Variants in DAAM2 observed in about 807,000 individuals in gnomAD.
DAAM2 encodes disheveled-associated activator of morphogenesis 2.
Under a neutral mutation model 120.7 loss-of-function variants are expected in DAAM2, and 39 were observed. That is an observed-to-expected ratio of 0.32 (90% CI 0.25 to 0.42). The LOEUF is 0.42. Among genes scored for constraint, DAAM2 ranks in the 10% least tolerant of loss-of-function variants. DAAM2 has a pLI of 1.00. For missense variants in DAAM2, 1,283 were observed against 1,401.7 expected (o/e 0.92, Z 1.35); for synonymous variants, 488 against 524.9 (o/e 0.93, Z 0.96).
chr6:39,836,748 C>T (rs1450278252), intron 1 of DAAM2, among the ~76,000 whole-genome samples: 2 of 152,170 alleles, frequency 1.3e-5, no homozygotes, highest in Non-Finnish European at 2.9e-5. Context: ...TGCAAATCTC[C>T]ACGTCCACCC....
chr6:39,869,327 G>T (rs1285748542), intron 7 of DAAM2, among the ~76,000 whole-genome samples: 1 of 152,162 alleles, frequency 6.6e-6, no homozygotes, highest in African/African-American at 2.4e-5. Flanking sequence ...GCTCATGCCT[G>T]TAATCCCAGC....
chr6:39,816,612 T>C (rs147956479), intron 1 of DAAM2, among the ~76,000 whole-genome samples: 129 of 152,328 alleles, frequency 8.5e-4, no homozygotes, highest in African/African-American at 2.7e-3. Flanking sequence ...CCTGTAATAG[T>C]TCAAGTCCAT....
chr6:39,873,276 G>A lies in DAAM2; in HGVS notation c.1083G>A (p.Glu361=), dbSNP rs1475700535. ...CCAAGAGTGCTTCCCAGATGTTTGA[G>A]TTGATCCACAAGAAGCTGAAGTACA... ...IDTKSASQMF[E]LIHKKLKYTE... The change falls in exon 10 of 25, where the codon GAG becomes GAA. Residue 361 remains glutamate, a synonymous_variant. Transcript: ENST00000274867. 8 of 1,613,346 alleles carry A rather than the reference G, an allele frequency of 5.0e-6. No homozygotes were observed. Among genetic ancestry groups the A allele is most frequent in the Non-Finnish European group, 6.8e-6 (8 of 1,179,774 alleles).
Position 39,830,933 on chromosome 6 carries a change from C to T in DAAM2, c.-56-25314C>T, listed in dbSNP as rs546538240. 2.6e-4 allele frequency among the ~76,000 whole-genome samples: 40 copies of T among 152,284 alleles called. No individual in the cohort carries two copies. In the South Asian group the frequency reaches 6.6e-3, roughly 25 times the overall value. Reference sequence around the variant, plus strand: ...CAGGCAGAAACTGGTCCTCTCAGGTCGACCATGTACCAAGGACCGGAGTGG... The same window carrying T: ...CAGGCAGAAACTGGTCCTCTCAGGTTGACCATGTACCAAGGACCGGAGTGG... On this transcript the variant is annotated intron_variant, in intron 1 of 24. Transcript: ENST00000274867.
chr6:39,792,781 T>G (rs1761585380), intron 1 of DAAM2, among the ~76,000 whole-genome samples: 1 of 152,236 alleles, frequency 6.6e-6, no homozygotes, highest in Admixed American at 6.5e-5. Flanking sequence ...TTTTGCGGCT[T>G]TGAAACCTGA....
chr6:39,825,596 C>A (rs913030281), intron 1 of DAAM2, among the ~76,000 whole-genome samples: 2 of 152,030 alleles, frequency 1.3e-5, no homozygotes, highest in African/African-American at 2.4e-5. Flanking sequence ...GATCACACAC[C>A]CTCTCCATCG....
chr6:39,817,125 T>C (rs539598251), intron 1 of DAAM2, among the ~76,000 whole-genome samples: 1 of 152,230 alleles, frequency 6.6e-6, no homozygotes, highest in South Asian at 2.1e-4. Flanking sequence ...GTGGCTGGAT[T>C]CTGGGTTAAG....
chr6:39,852,806 C>T (rs1763856482), intron 1 of DAAM2, among the ~76,000 whole-genome samples: 2 of 152,286 alleles, frequency 1.3e-5, no homozygotes, highest in South Asian at 4.1e-4. Flanking sequence ...AGCCTCTGCT[C>T]CCTACCCCAC....
At chr6:39,898,182 CAG>C (rs1766234878) in intron 21 of DAAM2, among the ~76,000 whole-genome samples, 1 of 152,210 alleles carries the variant, frequency 6.6e-6, no homozygotes, top group African/African-American at 2.4e-5. Flanking sequence ...TTCTGGGAAA[CAG>C]TGTGGAATAG....
At chr6:39,822,761 G>T (rs1018539943) in intron 1 of DAAM2, 30 of 152,216 alleles carry the variant, frequency 2.0e-4, no homozygotes, top group African/African-American at 7.2e-4. Context: ...TTATTCATTT[G>T]TGTGTTCAAC....
intron 1 of DAAM2, among the ~76,000 whole-genome samples, chr6:39,825,215 C>T (rs983672079): frequency 7.9e-5 from 12 of 152,054 alleles, no homozygotes; most frequent in Middle Eastern, 3.4e-3. Flanking sequence ...CATGGGGAAA[C>T]GCTCTCTCTA....
intron 1 of DAAM2, among the ~76,000 whole-genome samples, chr6:39,804,027 G>A (rs999251003): frequency 1.3e-5 from 2 of 152,208 alleles, no homozygotes; most frequent in African/African-American, 4.8e-5. Flanking sequence ...CTGGAAGTCT[G>A]TGTGGGCATT....
chr6:39,842,503 C>T (rs1487144373), intron 1 of DAAM2, among the ~76,000 whole-genome samples: 1 of 152,036 alleles, frequency 6.6e-6, no homozygotes, highest in African/African-American at 2.4e-5. Flanking sequence ...CGTGGTGGTG[C>T]ATGCCTGTAA....
intron 14 of DAAM2, among the ~76,000 whole-genome samples, chr6:39,880,884 G>A (rs1286909256): frequency 1.3e-5 from 2 of 152,210 alleles, no homozygotes; most frequent in Non-Finnish European, 1.5e-5. Context: ...TGGGTGCTCT[G>A]TGGCCATGAG....
At chr6:39,866,305 G>A (rs1363063665) in intron 5 of DAAM2, among the ~76,000 whole-genome samples, 2 of 152,142 alleles carry the variant, frequency 1.3e-5, no homozygotes, top group Non-Finnish European at 2.9e-5. Flanking sequence ...GCTAACAAAA[G>A]TTACATATTG....
At chr6:39,871,422 G>C (rs922134086) in intron 8 of DAAM2, 84 bp from the exon 9 acceptor site, 7 of 1,270,806 alleles carry the variant, frequency 5.5e-6, no homozygotes, top group Admixed American at 4.0e-5. Context: ...TTAGCCAGTG[G>C]GGGGCTCGAA....
At chr6:39,817,379 T>A (rs1311465400) in intron 1 of DAAM2, among the ~76,000 whole-genome samples, 1 of 152,190 alleles carries the variant, frequency 6.6e-6, no homozygotes, top group African/African-American at 2.4e-5. Context: ...AACAAAGGTG[T>A]ATTTCTTACT....
chr6:39,850,391 T>C (rs1180353267), intron 1 of DAAM2, among the ~76,000 whole-genome samples: 1 of 152,132 alleles, frequency 6.6e-6, no homozygotes, highest in African/African-American at 2.4e-5. Flanking sequence ...CGGTCCTCCT[T>C]CTCAGGGCTG....
intron 19 of DAAM2, among the ~76,000 whole-genome samples, 160 bp from the exon 20 acceptor site, chr6:39,896,652 T>C (rs1766109419): frequency 6.6e-6 from 1 of 152,196 alleles, no homozygotes; most frequent in South Asian, 2.1e-4. Flanking sequence ...GTGAAATCGA[T>C]GGGTCTGCTG....
Sources: gnomAD v4.1 joint callset for allele counts (sites outside exome capture counted in the v4.1 genomes callset) on GRCh38, gnomAD v4.1.1 for gene constraint, MANE v1.5 for transcripts, NCBI Gene and HGNC (gene_info 2026-07-23, HGNC 2026-07-21) for gene names.